DNAJC3: variants seen among roughly 807,000 people sequenced by gnomAD.
The protein encoded by DNAJC3 is dnaJ homolog subfamily C member 3.
In DNAJC3, 38 loss-of-function variants were observed where a neutral mutation model predicts 68.6. The ratio of observed to expected loss-of-function variants is 0.55; its 90% CI spans 0.43 to 0.73. DNAJC3 has a LOEUF of 0.73. Among genes scored for constraint, DNAJC3 ranks in the 30% least tolerant of loss-of-function variants. The pLI is 0.00. For synonymous variants in DNAJC3, 203 were observed against 204.0 expected (o/e 1.00, Z 0.04); for missense variants, 526 against 591.9 (o/e 0.89, Z 1.16).
chr13:95,789,183 G>A (rs1017350991), intron 11 of DNAJC3, among the ~76,000 whole-genome samples: 1 of 151,880 alleles, frequency 6.6e-6, no homozygotes, highest in East Asian at 1.9e-4. Flanking sequence ...AAGTTCAGGG[G>A]TACATGTGCA....
rs370382627 is a variant in DNAJC3, at chr13:95,742,597, G to A, written c.394-15047G>A. On this transcript the variant is annotated intron_variant, in intron 4 of 11. Transcript: ENST00000602402. ...CTCTTTGGGCTCTTATCCCAGCCAA[G>A]CAGGCTGCCTCACTTCTCTCTTCTT... The A allele has an allele frequency of 5.0e-5, 24 of 484,418 alleles. No individual in the cohort carries two copies. The Middle Eastern group carries it at 1.0e-3, about 20-fold the overall frequency. The allele number at this position is 484,418 out of a possible 1,614,324, so 30.0% of individuals were successfully genotyped here. A position where few individuals can be genotyped will look rare whatever the true frequency, so the allele number is the denominator to read the frequency against.
chr13:95,766,555 A>G (rs1438194043), intron 9 of DNAJC3, among the ~76,000 whole-genome samples: 2 of 152,320 alleles, frequency 1.3e-5, no homozygotes, highest in African/African-American at 4.8e-5. Flanking sequence ...TGTTATATTA[A>G]CTGATGCAGT....
chr13:95,736,797 T>C (rs1173957520), intron 4 of DNAJC3, among the ~76,000 whole-genome samples: 2 of 145,596 alleles, frequency 1.4e-5, no homozygotes, highest in African/African-American at 2.6e-5. Context: ...CTTTTCCTAA[T>C]TGAATACCCT....
At position 95,722,815 on chromosome 13, in the gene DNAJC3, G is replaced by GCCCCCCCCCC. The variant is rs759729876; in HGVS notation, c.194-412_194-403dup. On this transcript the variant is annotated intron_variant, in intron 2 of 11. Transcript: ENST00000602402. The stretch of plus-strand genomic sequence containing the variant: ...AACCTGGGTGACAGACACCTTGTCC[G>GCCCCCCCCCC]CCCCCCCCCCCCCCCCCCCCCCCCG... 3.3e-4 allele frequency among the ~76,000 whole-genome samples: 5 copies of GCCCCCCCCCC among 15,336 alleles called. 1 individual carries two copies. The highest frequency in any genetic ancestry group is 1.2e-3 in the African/African-American group (3 of 2,540). The allele number at this position is 15,336 out of a possible 152,430, so 10.1% of individuals were successfully genotyped here. A position where few individuals can be genotyped will look rare whatever the true frequency, so the allele number is the denominator to read the frequency against.
intron 11 of DNAJC3, among the ~76,000 whole-genome samples, chr13:95,788,988 A>G (rs989174239): frequency 3.9e-5 from 6 of 152,340 alleles, no homozygotes; most frequent in Middle Eastern, 3.4e-3. Context: ...GCTTCAGATT[A>G]ACCTCCCAGA....
chr13:95,700,496 C>G (rs1368887293), intron 1 of DNAJC3, among the ~76,000 whole-genome samples: 1 of 152,102 alleles, frequency 6.6e-6, no homozygotes, highest in Non-Finnish European at 1.5e-5. Context: ...CAACAGGCAA[C>G]CAAGGTATTC....
At position 95,736,067 on chromosome 13, in the gene DNAJC3, A is replaced by T. The variant is rs1322634057; in HGVS notation, c.393+10815A>T. 2.0e-5 allele frequency among the ~76,000 whole-genome samples: 3 copies of T among 152,126 alleles called. No individual in the cohort carries two copies. In the East Asian group the frequency reaches 5.8e-4, roughly 29 times the overall value. Reference sequence around the variant, plus strand: ...CTAGCCAGTTTTCCCAGCACCATTTATTGAATAGGGAATCCTTTCCCCATT... The same window carrying T: ...CTAGCCAGTTTTCCCAGCACCATTTTTTGAATAGGGAATCCTTTCCCCATT... On this transcript the variant is annotated intron_variant, in intron 4 of 11. Transcript: ENST00000602402.
chr13:95,717,693 C>T (rs983923941), intron 2 of DNAJC3, among the ~76,000 whole-genome samples: 11 of 152,204 alleles, frequency 7.2e-5, no homozygotes, highest in African/African-American at 2.7e-4. Flanking sequence ...GAATAAGTCT[C>T]ACGAGATCTG....
chr13:95,697,786 GT>G (rs35414850), intron 1 of DNAJC3, among the ~76,000 whole-genome samples: 28,760 of 112,272 alleles, frequency 0.26, 4,100 homozygotes, highest in African/African-American at 0.47. Context: ...CCTTCAAGAA[GT>G]TTTTTTTTTT....
chr13:95,706,760 C>A (rs948215968), intron 1 of DNAJC3, among the ~76,000 whole-genome samples: 1 of 152,164 alleles, frequency 6.6e-6, no homozygotes, highest in Non-Finnish European at 1.5e-5. Flanking sequence ...AATAAATATT[C>A]CCATTCCAAA....
intron 2 of DNAJC3, among the ~76,000 whole-genome samples, chr13:95,717,627 G>A (rs766676899): frequency 2.6e-5 from 4 of 152,136 alleles, no homozygotes; most frequent in Non-Finnish European, 5.9e-5. Flanking sequence ...GGAGGGAACT[G>A]GTGGGAGATA....
At chr13:95,788,733 C>T (rs762554176) in intron 11 of DNAJC3, among the ~76,000 whole-genome samples, 4 of 152,188 alleles carry the variant, frequency 2.6e-5, no homozygotes, top group African/African-American at 7.2e-5. Context: ...CTTCCATTCA[C>T]AGCATCCTTT....
chr13:95,761,543 A>G (rs929943600), intron 7 of DNAJC3, among the ~76,000 whole-genome samples: 2 of 152,174 alleles, frequency 1.3e-5, no homozygotes, highest in South Asian at 2.1e-4. Context: ...TTGCAAAACT[A>G]TAGTACATTG....
intron 9 of DNAJC3, among the ~76,000 whole-genome samples, chr13:95,765,465 C>G (rs1037149799): frequency 1.3e-5 from 2 of 149,102 alleles, no homozygotes; most frequent in Non-Finnish European, 3.0e-5. Flanking sequence ...TTGAAAGATG[C>G]ATTTGGAACT....
chr13:95,709,300 GC>G lies in DNAJC3; in HGVS notation c.157del (p.Leu53Ter). On this transcript the variant is annotated frameshift_variant, in exon 2 of 12. Coordinates refer to ENST00000602402, the MANE Select transcript of DNAJC3 (RefSeq NM_006260.5). LOFTEE classifies it high-confidence loss of function. ...LGKKLLAAGQ[L>X]ADALSQFHAA... Reference sequence around the variant, plus strand: ...GCAAGAAATTACTTGCAGCTGGACAGCTAGCTGATGCTTTATCTCAGTTTCA... The same window carrying G: ...GCAAGAAATTACTTGCAGCTGGACAGTAGCTGATGCTTTATCTCAGTTTCA... The G allele has an allele frequency of 6.3e-7, 1 of 1,588,808 alleles. No individual in the cohort carries two copies. Among genetic ancestry groups the G allele is most frequent in the Non-Finnish European group, 8.6e-7 (1 of 1,168,804 alleles).
At chr13:95,738,185 A>G (rs1881997273) in intron 4 of DNAJC3, among the ~76,000 whole-genome samples, 1 of 147,362 alleles carries the variant, frequency 6.8e-6, no homozygotes, top group Admixed American at 6.8e-5. Context: ...GTGGTCTGAG[A>G]GATAGTTTGT....
intron 1 of DNAJC3, among the ~76,000 whole-genome samples, chr13:95,692,203 A>G (rs1168871001): frequency 6.6e-6 from 1 of 152,192 alleles, no homozygotes; most frequent in Non-Finnish European, 1.5e-5. Context: ...CATATGGTTG[A>G]TTTTAAGAAT....
At chr13:95,677,414 G>C (rs1879787715) in intron 1 of DNAJC3, 77 bp downstream of exon 1, 3 of 1,452,304 alleles carry the variant, frequency 2.1e-6, no homozygotes, top group African/African-American at 1.5e-5. Context: ...GCGCCCGGGC[G>C]CCTGTCCCGG....
Position 95,709,342 on chromosome 13 carries a change from G to A in DNAJC3, c.193+5G>A. 1.3e-6 allele frequency: 2 copies of A among 1,579,476 alleles called. No homozygotes were observed. Among genetic ancestry groups the A allele is most frequent in the East Asian group, 2.3e-5 (1 of 42,654 alleles). On this transcript the variant is annotated splice_donor_5th_base_variant and intron_variant, in intron 2 of 11. Transcript: ENST00000602402. ...CTCAGTTTCATGCTGCCGTAGGTTT[G>A]TATCATGGAACCAAATCACTCAGTG... is the stretch of plus-strand genomic sequence containing the variant.
Sources: gnomAD v4.1 joint callset for allele counts (sites outside exome capture counted in the v4.1 genomes callset) on GRCh38, gnomAD v4.1.1 for gene constraint, MANE v1.5 for transcripts, NCBI Gene and HGNC (gene_info 2026-07-23, HGNC 2026-07-21) for gene names.